Variants in ZFYVE9 observed in about 807,000 individuals in gnomAD.
ZFYVE9 encodes the protein zinc finger FYVE-type containing 9.
ZFYVE9 carries 43 observed loss-of-function variants against 126.7 expected under a neutral mutation model. The observed-to-expected ratio is 0.34, with a 90% CI of 0.27 to 0.44. ZFYVE9 has a LOEUF of 0.44. ZFYVE9 is among the 20% of genes least tolerant of loss of function. The pLI, the probability that ZFYVE9 is intolerant of heterozygous loss-of-function variation, is 1.00. For synonymous variants in ZFYVE9, 521 were observed against 597.4 expected (o/e 0.87, Z 1.87); for missense variants, 1,476 against 1,697.0 (o/e 0.87, Z 2.29).
At chr1:52,281,583 C>G in intron 9 of ZFYVE9, 78 bp from the exon 10 acceptor site, 2 of 1,507,212 alleles carry the variant, frequency 1.3e-6, no homozygotes, top group South Asian at 1.2e-5. Flanking sequence ...TATTGTAACA[C>G]AGATTTCTGT....
At position 52,145,316 on chromosome 1, in the gene ZFYVE9, C is replaced by T. The variant is rs932745049; in HGVS notation, c.-143+2913C>T. On this transcript the variant is annotated intron_variant, in intron 1 of 18. Coordinates refer to ENST00000287727, the MANE Select transcript of ZFYVE9 (RefSeq NM_004799.4). ...TGTTGCTAAGCTACCACTGTTCATTCCATTCAGTAAACTTTTATGTGGCAC... is the reference window on the plus strand; with the variant it reads ...TGTTGCTAAGCTACCACTGTTCATTTCATTCAGTAAACTTTTATGTGGCAC... 5.9e-5 allele frequency among the ~76,000 whole-genome samples: 9 copies of T among 152,286 alleles called. No individual in the cohort carries two copies. In the South Asian group the frequency reaches 6.2e-4, roughly 11 times the overall value.
intron 1 of ZFYVE9, among the ~76,000 whole-genome samples, chr1:52,175,798 G>A (rs1048960983): frequency 1.5e-4 from 23 of 151,976 alleles, no homozygotes; most frequent in Non-Finnish European, 2.6e-4. Context: ...TGATCGCATC[G>A]GCTCCTGAGG....
At chr1:52,223,261 C>T (rs1645141015) in intron 2 of ZFYVE9, among the ~76,000 whole-genome samples, 1 of 152,204 alleles carries the variant, frequency 6.6e-6, no homozygotes, top group Non-Finnish European at 1.5e-5. Context: ...ACACTAGAAA[C>T]ATCTGTTTTC....
At chr1:52,311,452 A>T (rs1646136405) in intron 13 of ZFYVE9, among the ~76,000 whole-genome samples, 1 of 151,944 alleles carries the variant, frequency 6.6e-6, no homozygotes, top group Non-Finnish European at 1.5e-5. Context: ...TTTGGTAGAG[A>T]CAGGGTTTCA....
chr1:52,235,376 A>G (rs1337272111), intron 3 of ZFYVE9, among the ~76,000 whole-genome samples: 4 of 152,198 alleles, frequency 2.6e-5, no homozygotes, highest in Admixed American at 2.0e-4. Context: ...GAATAATGAA[A>G]ATTTTAATAC....
chr1:52,195,935 G>A (rs1359517585), intron 1 of ZFYVE9, among the ~76,000 whole-genome samples: 2 of 152,054 alleles, frequency 1.3e-5, no homozygotes. Flanking sequence ...CGGGACTATA[G>A]GTTCGCGGCA....
intron 1 of ZFYVE9, among the ~76,000 whole-genome samples, chr1:52,216,136 A>G (rs1354006903): frequency 1.3e-5 from 2 of 152,236 alleles, no homozygotes; most frequent in East Asian, 3.8e-4. Context: ...ATCCATTGAA[A>G]ATAAACGTGC....
At chr1:52,224,236 G>C (rs1645149703) in intron 2 of ZFYVE9, among the ~76,000 whole-genome samples, 1 of 152,162 alleles carries the variant, frequency 6.6e-6, no homozygotes, top group African/African-American at 2.4e-5. Flanking sequence ...TGGCTGTCCA[G>C]CGGGGATGTG....
chr1:52,171,721 A>G (rs4504837), intron 1 of ZFYVE9, among the ~76,000 whole-genome samples: 147,569 of 152,066 alleles, frequency 0.97, 71,619 homozygotes, highest in East Asian at 1. Context: ...ATCTCATTGT[A>G]GTTTTGATTT....
chr1:52,261,411 T>A (rs1430622640), intron 4 of ZFYVE9, among the ~76,000 whole-genome samples: 1 of 152,084 alleles, frequency 6.6e-6, no homozygotes, highest in Admixed American at 6.6e-5. Flanking sequence ...CCTTGTGTTA[T>A]TATTTGATTT....
At chr1:52,189,853 T>C (rs988671868) in intron 1 of ZFYVE9, 3 of 152,178 alleles carry the variant, frequency 2.0e-5, no homozygotes, top group African/African-American at 7.2e-5. Context: ...TTCTTGCGCA[T>C]GTGAACATCC....
At chr1:52,144,497 G>T (rs185744540) in intron 1 of ZFYVE9, among the ~76,000 whole-genome samples, 9 of 152,178 alleles carry the variant, frequency 5.9e-5, no homozygotes, top group African/African-American at 2.2e-4. Context: ...CAGTCTCCCT[G>T]ATTCTTAGAC....
intron 1 of ZFYVE9, among the ~76,000 whole-genome samples, chr1:52,207,103 G>T (rs1255682828): frequency 2.6e-5 from 4 of 152,126 alleles, no homozygotes; most frequent in Non-Finnish European, 5.9e-5. Flanking sequence ...AAATGTTTAG[G>T]CATTCCTTGT....
At position 52,287,862 on chromosome 1, in the gene ZFYVE9, A is replaced by G. The variant is rs144166229; in HGVS notation, c.3026-5591A>G. On this transcript the variant is annotated intron_variant, in intron 10 of 18. Coordinates refer to ENST00000287727, the MANE Select transcript of ZFYVE9 (RefSeq NM_004799.4). ...AGCTTGAGTGACACAGTGAGACCCTATCTTTAAAAATAATAATAATATGTC... is the reference window on the plus strand; with the variant it reads ...AGCTTGAGTGACACAGTGAGACCCTGTCTTTAAAAATAATAATAATATGTC... Among the ~76,000 whole-genome samples, 512 of 152,218 alleles carry G rather than the reference A, an allele frequency of 3.4e-3. 2 individuals carry two copies. The highest frequency in any genetic ancestry group is 0.012 in the African/African-American group (487 of 41,536).
chr1:52,278,657 G>T, intron 9 of ZFYVE9, 43 bp downstream of exon 9: 1 of 1,321,624 alleles, frequency 7.6e-7, no homozygotes, highest in South Asian at 1.4e-5. Context: ...ATGTTTTACT[G>T]ACTCATAGTA....
chr1:52,343,400 C>T (rs560512990), intron 17 of ZFYVE9, among the ~76,000 whole-genome samples: 20 of 151,626 alleles, frequency 1.3e-4, no homozygotes, highest in Non-Finnish European at 1.8e-4. Flanking sequence ...GAGCCGAGAT[C>T]GTGCCATTGC....
intron 16 of ZFYVE9, among the ~76,000 whole-genome samples, chr1:52,338,802 G>A (rs996229375): frequency 6.6e-6 from 1 of 152,034 alleles, no homozygotes; most frequent in Non-Finnish European, 1.5e-5. Flanking sequence ...GCCTGAGGTT[G>A]GGAGTTCAAG....
At chr1:52,186,814 C>G (rs1644769681) in intron 1 of ZFYVE9, among the ~76,000 whole-genome samples, 1 of 152,052 alleles carries the variant, frequency 6.6e-6, no homozygotes, top group African/African-American at 2.4e-5. Context: ...TCAAAGAAAT[C>G]AGAGATGACA....
At chr1:52,181,884 C>T (rs61782512) in intron 1 of ZFYVE9, among the ~76,000 whole-genome samples, 25 of 151,838 alleles carry the variant, frequency 1.6e-4, no homozygotes, top group Non-Finnish European at 2.8e-4. Flanking sequence ...CCCCTCCGCC[C>T]GGCAGCCACC....
Sources: gnomAD v4.1 joint callset for allele counts (sites outside exome capture counted in the v4.1 genomes callset) on GRCh38, gnomAD v4.1.1 for gene constraint, MANE v1.5 for transcripts, NCBI Gene and HGNC (gene_info 2026-07-23, HGNC 2026-07-21) for gene names.